NFIA: variants seen among roughly 807,000 people sequenced by gnomAD.
NFIA encodes nuclear factor I A, also known as nuclear factor 1 A-type.
NFIA carries 8 observed loss-of-function variants against 62.8 expected under a neutral mutation model. That is an observed-to-expected ratio of 0.13 (90% CI 0.07 to 0.23). The LOEUF (loss-of-function observed/expected upper bound fraction) is 0.23, where lower values mean the gene tolerates loss of function less well. Ranked by LOEUF, NFIA falls within the 10% of genes least tolerant of loss-of-function variation. The pLI, the probability that NFIA is intolerant of heterozygous loss-of-function variation, is 1.00. For missense variants in NFIA, 410 were observed against 642.1 expected (o/e 0.64, Z 3.91); for synonymous variants, 235 against 238.1 (o/e 0.99, Z 0.12).
chr1:61,189,281 C>G (rs1025375014), intron 2 of NFIA, among the ~76,000 whole-genome samples: 2 of 152,132 alleles, frequency 1.3e-5, no homozygotes, highest in Non-Finnish European at 2.9e-5. Flanking sequence ...GGCAGTGACT[C>G]TTGCCCTTCT....
At chr1:61,201,647 TGA>T (rs1652505525) in intron 2 of NFIA, among the ~76,000 whole-genome samples, 1 of 152,144 alleles carries the variant, frequency 6.6e-6, no homozygotes, top group Admixed American at 6.6e-5. Context: ...AAGGATTGTG[TGA>T]GAGGGAGCAC....
chr1:61,369,924 C>T (rs530132253), intron 6 of NFIA, among the ~76,000 whole-genome samples: 6 of 152,202 alleles, frequency 3.9e-5, no homozygotes, highest in South Asian at 2.1e-4. Flanking sequence ...TCTCTTTAAA[C>T]GTTAAATAAC....
chr1:61,257,704 GTTTA>G (rs962835596), intron 2 of NFIA, among the ~76,000 whole-genome samples: 89 of 151,142 alleles, frequency 5.9e-4, no homozygotes, highest in African/African-American at 2.0e-3. Context: ...CTTCATCTTT[GTTTA>G]TTTATTATTT....
At chr1:61,207,974 CTTTTTTTTTTTT>C (rs11444962) in intron 2 of NFIA, among the ~76,000 whole-genome samples, 1 of 115,436 alleles carries the variant, frequency 8.7e-6, no homozygotes, top group Non-Finnish European at 1.7e-5. Context: ...TGCACTGAAC[CTTTTTTTTTTTT>C]TTTTTTTTTT....
At chr1:61,202,219 A>G (rs555638024) in intron 2 of NFIA, among the ~76,000 whole-genome samples, 2 of 152,172 alleles carry the variant, frequency 1.3e-5, no homozygotes, top group Non-Finnish European at 2.9e-5. Context: ...CATAAACTTG[A>G]TTAGAGTTCT....
At chr1:61,106,377 T>A (rs927491546) in intron 2 of NFIA, among the ~76,000 whole-genome samples, 3 of 151,856 alleles carry the variant, frequency 2.0e-5, no homozygotes, top group African/African-American at 7.2e-5. Flanking sequence ...TTTGAGTTTG[T>A]CCATGCTGGA....
chr1:61,427,705 C>T (rs1341790837), intron 10 of NFIA, among the ~76,000 whole-genome samples: 1 of 152,132 alleles, frequency 6.6e-6, no homozygotes, highest in East Asian at 1.9e-4. Context: ...ACAGAAAGTA[C>T]AGCATCAGCA....
chr1:61,166,194 G>A (rs1339796280), intron 2 of NFIA, among the ~76,000 whole-genome samples: 1 of 152,086 alleles, frequency 6.6e-6, no homozygotes, highest in Non-Finnish European at 1.5e-5. Context: ...ATTTGTATAG[G>A]AAAATATAGT....
At chr1:61,348,633 C>G (rs530133365) in intron 4 of NFIA, among the ~76,000 whole-genome samples, 6 of 152,262 alleles carry the variant, frequency 3.9e-5, no homozygotes, top group Non-Finnish European at 7.4e-5. Context: ...CTTTTTCTTC[C>G]CCTATTCTGG....
chr1:61,106,342 C>T (rs148795506), intron 2 of NFIA, among the ~76,000 whole-genome samples: 1,761 of 151,846 alleles, frequency 0.012, 20 homozygotes, highest in Middle Eastern at 0.065. Context: ...CATTTTAAGT[C>T]AGACATACAT....
intron 1 of NFIA, among the ~76,000 whole-genome samples, chr1:61,086,335 G>A (rs1646218255): frequency 6.6e-6 from 1 of 152,100 alleles, no homozygotes; most frequent in African/African-American, 2.4e-5. Context: ...TTGTGGTTTG[G>A]CGTATACCTT....
At chr1:61,097,033 G>T (rs1646428419) in intron 2 of NFIA, among the ~76,000 whole-genome samples, 1 of 152,030 alleles carries the variant, frequency 6.6e-6, no homozygotes, top group East Asian at 1.9e-4. Context: ...TTACAGCAAA[G>T]AAAATAAAAT....
chr1:61,140,977 T>G (rs972797608), intron 2 of NFIA, among the ~76,000 whole-genome samples: 3 of 148,886 alleles, frequency 2.0e-5, no homozygotes, highest in East Asian at 2.0e-4. Flanking sequence ...TTTTTTTTTT[T>G]TTTTTTTTTT....
chr1:61,406,798 G>C, intron 9 of NFIA, 71 bp downstream of exon 9: 1 of 1,451,650 alleles, frequency 6.9e-7, no homozygotes, highest in South Asian at 1.5e-5. Context: ...CTTAGGCTTT[G>C]TCCCTCACTG....
chr1:61,264,518 G>A (rs897099595), intron 2 of NFIA, among the ~76,000 whole-genome samples: 13 of 151,580 alleles, frequency 8.6e-5, no homozygotes, highest in Admixed American at 1.3e-4. Flanking sequence ...GGGCATGGAG[G>A]TGGGCGCCTG....
chr1:61,219,943 C>T (rs970218614), intron 2 of NFIA, among the ~76,000 whole-genome samples: 2 of 151,974 alleles, frequency 1.3e-5, no homozygotes, highest in South Asian at 2.1e-4. Flanking sequence ...AGCCTGGAGA[C>T]AGAACGAGAC....
At chr1:61,449,448 G>A (rs78195583) in intron 10 of NFIA, among the ~76,000 whole-genome samples, 3 of 152,322 alleles carry the variant, frequency 2.0e-5, no homozygotes, top group East Asian at 3.9e-4. Context: ...TTAAAGTTTA[G>A]CAACTGTGAC....
intron 2 of NFIA, among the ~76,000 whole-genome samples, chr1:61,174,442 C>T (rs1557614297): frequency 6.6e-6 from 1 of 152,184 alleles, no homozygotes; most frequent in African/African-American, 2.4e-5. Context: ...TTGGGGAATT[C>T]CACACTCAAT....
At chr1:61,087,796 A>G (rs1646244619) in intron 1 of NFIA, among the ~76,000 whole-genome samples, 2 of 152,218 alleles carry the variant, frequency 1.3e-5, no homozygotes, top group Admixed American at 6.5e-5. Context: ...CTTCCTTGAA[A>G]TAGGGTTAAG....
Sources: allele counts gnomAD v4.1 joint callset (sites outside exome capture counted in the v4.1 genomes callset), GRCh38; gene constraint gnomAD v4.1.1; transcripts MANE v1.5; gene names NCBI Gene and HGNC (gene_info 2026-07-23, HGNC 2026-07-21).